Variants in NPEPPS observed in about 807,000 individuals in gnomAD.
NPEPPS encodes puromycin-sensitive aminopeptidase.
Under a neutral mutation model 115.5 loss-of-function variants are expected in NPEPPS, and 14 were observed. The observed-to-expected ratio is 0.12, with a 90% CI of 0.08 to 0.19. The LOEUF is 0.19. NPEPPS is among the 10% of genes least tolerant of loss of function. The probability of loss-of-function intolerance (pLI) is 1.00; values close to 1 mark genes in which losing one functional copy is unlikely to be tolerated. For missense variants in NPEPPS, 523 were observed against 1,110.8 expected (o/e 0.47, Z 7.52); for synonymous variants, 285 against 390.6 (o/e 0.73, Z 3.19).
chr17:47,559,693 A>T, intron 2 of NPEPPS: 1 of 454,368 alleles, frequency 2.2e-6, no homozygotes, highest in Non-Finnish European at 4.4e-6. Context: ...TCCTGGTAGG[A>T]TATCACTTTT....
chr17:47,597,952 A>G (rs906045429), intron 13 of NPEPPS, among the ~76,000 whole-genome samples: 3 of 152,136 alleles, frequency 2.0e-5, no homozygotes, highest in African/African-American at 7.2e-5. Context: ...AGGGAATGCA[A>G]TTGATCATGT....
chr17:47,609,770 C>T (rs1008655514), intron 17 of NPEPPS, among the ~76,000 whole-genome samples: 1 of 152,138 alleles, frequency 6.6e-6, no homozygotes, highest in African/African-American at 2.4e-5. Flanking sequence ...TTTCTTTCAC[C>T]TAGATTAATA....
intron 5 of NPEPPS, among the ~76,000 whole-genome samples, chr17:47,584,571 C>T (rs867746802): frequency 4.6e-5 from 7 of 152,114 alleles, no homozygotes; most frequent in African/African-American, 1.4e-4. Flanking sequence ...ATATATTAAA[C>T]GGAAATATTC....
intron 19 of NPEPPS, among the ~76,000 whole-genome samples, chr17:47,616,277 C>A (rs963804710): frequency 6.6e-6 from 1 of 152,122 alleles, no homozygotes; most frequent in African/African-American, 2.4e-5. Flanking sequence ...TCCAAAGGGG[C>A]CAGGCGTGGT....
chr17:47,582,985 A>G, intron 5 of NPEPPS, 136 bp downstream of exon 5: 1 of 441,598 alleles, frequency 2.3e-6, no homozygotes, highest in Non-Finnish European at 4.0e-6. Context: ...AGTTTTCTTT[A>G]TTTTCAATAA....
Position 47,622,814 on chromosome 17 carries a change from A to T in NPEPPS, c.*894A>T. On this transcript the variant is annotated 3_prime_UTR_variant, in exon 23 of 23. Transcript: ENST00000322157. ...TCAGCCAGGCCTTTCTGAAGGAGTT[A>T]TTCTGCTAAAAATGGTCTTAGTTGT... The T allele has an allele frequency of 2.2e-6, 1 of 453,728 alleles. No homozygotes were observed. Among genetic ancestry groups the T allele is most frequent in the South Asian group, 1.6e-5 (1 of 63,842 alleles). 28.1% of individuals were successfully genotyped at this position (453,728 alleles called of 1,614,324 possible). A position where few individuals can be genotyped will look rare whatever the true frequency, so the allele number is the denominator to read the frequency against.
Position 47,542,671 on chromosome 17 carries a change from G to T in NPEPPS, c.256-3238G>T, listed in dbSNP as rs116848555. Reference sequence around the variant, plus strand: ...TCCTCCTTTTAAGGGGTTGTGCACAGCTTCCACATGGCTTGCTATACTTAC... The same window carrying T: ...TCCTCCTTTTAAGGGGTTGTGCACATCTTCCACATGGCTTGCTATACTTAC... On this transcript the variant is annotated intron_variant, in intron 1 of 22. Coordinates refer to ENST00000322157, the MANE Select transcript of NPEPPS (RefSeq NM_006310.4). Among the ~76,000 whole-genome samples the T allele has an allele frequency of 1.3e-3, 199 of 152,174 alleles. 1 individual carries two copies. In the East Asian group the frequency reaches 0.027, roughly 21 times the overall value.
At chr17:47,576,412 A>T (rs1191595267) in intron 3 of NPEPPS, among the ~76,000 whole-genome samples, 5 of 152,174 alleles carry the variant, frequency 3.3e-5, no homozygotes, top group African/African-American at 1.2e-4. Flanking sequence ...GAATTGCTTG[A>T]ACCCGGGAGC....
At chr17:47,582,633 A>G (rs1202896671) in intron 4 of NPEPPS, 109 bp from the exon 5 acceptor site, 4 of 776,634 alleles carry the variant, frequency 5.2e-6, no homozygotes, top group Non-Finnish European at 8.9e-6. Context: ...GAGAAAGTAA[A>G]TATTTGAACA....
intron 3 of NPEPPS, among the ~76,000 whole-genome samples, chr17:47,576,179 T>C (rs1267405037): frequency 6.6e-6 from 1 of 152,188 alleles, no homozygotes; most frequent in Non-Finnish European, 1.5e-5. Flanking sequence ...TAAATTACCA[T>C]AATTATTGTA....
At chr17:47,544,389 C>T (rs934220377) in intron 1 of NPEPPS, among the ~76,000 whole-genome samples, 27 of 152,124 alleles carry the variant, frequency 1.8e-4, no homozygotes, top group Admixed American at 1.3e-4. Flanking sequence ...CAGCCTTCTT[C>T]CTCTATCCTC....
chr17:47,569,523 G>C lies in NPEPPS; in HGVS notation c.418+29G>C, dbSNP rs746194340. On this transcript the variant is annotated intron_variant, in intron 3 of 22. Transcript: ENST00000322157. ...AGAGACATAGCTTTTGTAAAATCTC[G>C]TGATGAATATAGTGACATCTGACTT... 3 of 1,008,440 alleles carry C rather than the reference G, an allele frequency of 3.0e-6. No homozygotes were observed. The African/African-American group carries it at 4.8e-5, about 16-fold the overall frequency. The allele number at this position is 1,008,440 out of a possible 1,614,324, so 62.5% of individuals were successfully genotyped here.
intron 1 of NPEPPS, among the ~76,000 whole-genome samples, chr17:47,535,021 G>T (rs1908097249): frequency 6.6e-6 from 1 of 151,270 alleles, no homozygotes; most frequent in Non-Finnish European, 1.5e-5. Flanking sequence ...GAGGCGGGCG[G>T]ATCACGAGGT....
intron 17 of NPEPPS, among the ~76,000 whole-genome samples, chr17:47,608,532 G>A (rs1281329817): frequency 6.6e-6 from 1 of 151,972 alleles, no homozygotes; most frequent in Non-Finnish European, 1.5e-5. Context: ...CAGCTACTCA[G>A]GAGGCTGAGA....
chr17:47,571,852 G>T (rs1384181658), intron 3 of NPEPPS, among the ~76,000 whole-genome samples: 2 of 152,158 alleles, frequency 1.3e-5, no homozygotes, highest in Non-Finnish European at 2.9e-5. Context: ...ATATTCCTAT[G>T]TATATATAAA....
chr17:47,524,635 C>T (rs910078651), intron 1 of NPEPPS, among the ~76,000 whole-genome samples: 23 of 150,550 alleles, frequency 1.5e-4, no homozygotes, highest in African/African-American at 4.6e-4. Flanking sequence ...GCTGGGACTA[C>T]AGGCACCTGC....
intron 17 of NPEPPS, among the ~76,000 whole-genome samples, chr17:47,606,448 T>C (rs1464082594): frequency 1.3e-5 from 2 of 151,450 alleles, no homozygotes; most frequent in Non-Finnish European, 2.9e-5. Context: ...CCTAGAGCTC[T>C]ATGTCTTGTC....
chr17:47,555,131 G>A (rs1017602911), intron 2 of NPEPPS, among the ~76,000 whole-genome samples: 5 of 152,000 alleles, frequency 3.3e-5, no homozygotes, highest in South Asian at 4.1e-4. Flanking sequence ...AAATTATTTC[G>A]TATTTGAGAT....
intron 1 of NPEPPS, among the ~76,000 whole-genome samples, chr17:47,538,601 C>G (rs1268139726): frequency 6.8e-6 from 1 of 147,656 alleles, no homozygotes; most frequent in Non-Finnish European, 1.5e-5. Flanking sequence ...GTGATCTCAG[C>G]TCACTGCAAC....
Sources: allele counts gnomAD v4.1 joint callset (sites outside exome capture counted in the v4.1 genomes callset), GRCh38; gene constraint gnomAD v4.1.1; transcripts MANE v1.5; gene names NCBI Gene and HGNC (gene_info 2026-07-23, HGNC 2026-07-21).